The following IL1RL2 variants were observed in gnomAD, a reference collection of about 807,000 sequenced individuals.
IL1RL2 encodes the protein interleukin 1 receptor like 2.
In IL1RL2, 68 loss-of-function variants were observed where a neutral mutation model predicts 66.8. That is an observed-to-expected ratio of 1.02 (90% CI 0.84 to 1.25). The LOEUF is 1.25. Ranked by LOEUF, IL1RL2 falls within the 50% of genes most tolerant of loss-of-function variation. IL1RL2 has a pLI of 0.00. For missense variants in IL1RL2, 729 were observed against 709.3 expected, an observed-to-expected ratio of 1.03 and a Z score of -0.32; for synonymous variants, 305 against 264.6, an observed-to-expected ratio of 1.15 and a Z score of -1.48.
chr2:102,201,683 A>C lies in IL1RL2; in HGVS notation c.617A>C (p.Tyr206Ser). ...QAILTHSGKQ[Y>S]EVLNGITVSI... ...ATACTGACACACTCAGGGAAGCAGT[A>C]CGAGGTTTTAAATGGCATCACTGTG... The change falls in exon 5 of 12, where the codon TAC (tyrosine) becomes TCC (serine). Residue 206 changes from tyrosine (Y) to serine (S), a missense_variant. Transcript: ENST00000264257. 1 of 1,614,074 alleles carries C rather than the reference A, an allele frequency of 6.2e-7. No individual in the cohort carries two copies. The highest frequency in any genetic ancestry group is 8.5e-7 in the Non-Finnish European group (1 of 1,179,964).
chr2:102,232,578 A>G (rs1373850645), intron 9 of IL1RL2, among the ~76,000 whole-genome samples: 5 of 152,158 alleles, frequency 3.3e-5, no homozygotes, highest in African/African-American at 1.2e-4. Context: ...CTCCTGCTTC[A>G]GCTTGTTTAT....
intron 4 of IL1RL2, among the ~76,000 whole-genome samples, chr2:102,195,803 T>G (rs1340987898): frequency 1.3e-5 from 2 of 151,000 alleles, no homozygotes; most frequent in Admixed American, 1.3e-4. Context: ...AACCTCTGCC[T>G]CCTGGGTTCA....
intron 9 of IL1RL2, among the ~76,000 whole-genome samples, chr2:102,228,093 AG>A (rs1690793077): frequency 6.6e-6 from 1 of 152,196 alleles, no homozygotes; most frequent in African/African-American, 2.4e-5. Flanking sequence ...ACAGGCAGCC[AG>A]GGGTCCTTTT....
In IL1RL2 at chr2:102,238,119, G is replaced by A. The variant is rs187532043; in HGVS notation, c.1679-1073G>A. 4.3e-3 allele frequency among the ~76,000 whole-genome samples: 652 copies of A among 152,286 alleles called. 4 individuals are homozygous for A. The highest frequency in any genetic ancestry group is 0.015 in the African/African-American group (625 of 41,532). On this transcript the variant is annotated intron_variant, in intron 11 of 11. Transcript: ENST00000264257. Reference sequence around the variant, plus strand: ...CCAAGACCCTGGCTTGAGGGAATTAGAGACCCCCCTGGGAATCCCCAGGGA... The same window carrying A: ...CCAAGACCCTGGCTTGAGGGAATTAAAGACCCCCCTGGGAATCCCCAGGGA...
intron 6 of IL1RL2, 43 bp downstream of exon 6, chr2:102,212,217 G>A: frequency 2.2e-6 from 3 of 1,341,682 alleles, no homozygotes; most frequent in Non-Finnish European, 3.2e-6. Flanking sequence ...CAGGGGAAGA[G>A]CTCATTATGT....
At chr2:102,189,026 T>G in intron 2 of IL1RL2, 50 bp from the exon 3 acceptor site, 7 of 1,403,636 alleles carry the variant, frequency 5.0e-6, no homozygotes, top group Non-Finnish European at 6.9e-6. Context: ...TAAATAAAAC[T>G]GAAGTTTTCT....
intron 9 of IL1RL2, among the ~76,000 whole-genome samples, chr2:102,226,583 A>T (rs1490801519): frequency 6.6e-6 from 1 of 152,156 alleles, no homozygotes; most frequent in African/African-American, 2.4e-5. Flanking sequence ...ACTTAGAAAG[A>T]TGTTTAACTT....
chr2:102,205,468 TTGTC>T (rs1199036987), intron 5 of IL1RL2, among the ~76,000 whole-genome samples: 6 of 152,224 alleles, frequency 3.9e-5, no homozygotes, highest in Non-Finnish European at 8.8e-5. Flanking sequence ...CAGCTTTCGT[TTGTC>T]TGGGAAAGTC....
intron 9 of IL1RL2, among the ~76,000 whole-genome samples, chr2:102,229,788 A>T (rs1690958121): frequency 1.3e-5 from 2 of 152,240 alleles, no homozygotes; most frequent in Non-Finnish European, 2.9e-5. Context: ...AATTGGGCAC[A>T]TTTGTACATT....
Position 102,201,694 on chromosome 2 carries a change from A to G in IL1RL2, c.628A>G (p.Asn210Asp). The change falls in exon 5 of 12, where the codon AAT (asparagine) becomes GAT (aspartate). Residue 210 changes from asparagine (N) to aspartate (D), a missense_variant. By Grantham distance (23) the Asn-to-Asp change is conservative (BLOSUM62 1). Transcript: ENST00000264257. ...CTCAGGGAAGCAGTACGAGGTTTTAAATGGCATCACTGTGAGCATTAGTAA... is the reference window on the plus strand; with the variant it reads ...CTCAGGGAAGCAGTACGAGGTTTTAGATGGCATCACTGTGAGCATTAGTAA... Reference protein sequence around the residue: ...THSGKQYEVLNGITVSITERA... With the variant: ...THSGKQYEVLDGITVSITERA... 2 of 1,613,962 alleles carry G rather than the reference A, an allele frequency of 1.2e-6. No individual in the cohort carries two copies. The highest frequency in any genetic ancestry group is 1.7e-6 in the Non-Finnish European group (2 of 1,179,924).
At chr2:102,204,963 G>A (rs1194051274) in intron 5 of IL1RL2, among the ~76,000 whole-genome samples, 1 of 151,796 alleles carries the variant, frequency 6.6e-6, no homozygotes, top group Non-Finnish European at 1.5e-5. Context: ...TAGTGAAGGT[G>A]ATTTTGTCTG....
At chr2:102,231,509 A>T (rs1483502409) in intron 9 of IL1RL2, among the ~76,000 whole-genome samples, 1 of 141,038 alleles carries the variant, frequency 7.1e-6, no homozygotes, top group African/African-American at 2.9e-5. Flanking sequence ...AAAATAAAAT[A>T]AAAAAATAAA....
intron 8 of IL1RL2, among the ~76,000 whole-genome samples, chr2:102,220,582 A>G (rs1478109835): frequency 6.6e-6 from 1 of 152,196 alleles, no homozygotes; most frequent in Non-Finnish European, 1.5e-5. Context: ...ACAACTTTAA[A>G]TTCGTAACCT....
chr2:102,225,455 G>A (rs1200039642), intron 8 of IL1RL2, among the ~76,000 whole-genome samples: 2 of 152,306 alleles, frequency 1.3e-5, no homozygotes, highest in South Asian at 4.1e-4. Context: ...TTGAATGGCT[G>A]GGAAAGCAGT....
intron 5 of IL1RL2, 86 bp from the exon 6 acceptor site, chr2:102,212,014 G>T: frequency 1.1e-6 from 1 of 900,304 alleles, no homozygotes; most frequent in Non-Finnish European, 1.8e-6. Context: ...GGTCTGCTCT[G>T]TTGGGCTTCA....
At chr2:102,216,839 A>G (rs1689656019) in intron 6 of IL1RL2, among the ~76,000 whole-genome samples, 1 of 152,192 alleles carries the variant, frequency 6.6e-6, no homozygotes, top group Admixed American at 6.5e-5. Context: ...CTTTGGTCAC[A>G]TAAAAATACC....
downstream of IL1RL2, among the ~76,000 whole-genome samples, chr2:102,241,455 C>T (rs891583822): frequency 6.6e-5 from 10 of 152,284 alleles, no homozygotes; most frequent in Middle Eastern, 3.4e-3. Context: ...CAGTTTCTTC[C>T]TCTGTAAAAA....
chr2:102,187,714 C>A, intron 1 of IL1RL2, 142 bp from the exon 2 acceptor site: 1 of 720,636 alleles, frequency 1.4e-6, no homozygotes, highest in Non-Finnish European at 2.4e-6. Context: ...AAACGTGGGG[C>A]CAAAGTCGGA....
chr2:102,218,860 C>T (rs1689843526), intron 6 of IL1RL2, 93 bp from the exon 7 acceptor site: 1 of 1,089,896 alleles, frequency 9.2e-7, no homozygotes, highest in Non-Finnish European at 1.4e-6. Context: ...GTATTCGAGG[C>T]TCGAGAGTAC....
Sources: allele counts gnomAD v4.1 joint callset (sites outside exome capture counted in the v4.1 genomes callset), GRCh38; gene constraint gnomAD v4.1.1; transcripts MANE v1.5; gene names NCBI Gene and HGNC (gene_info 2026-07-23, HGNC 2026-07-21).